Variants in SMYD3 observed in about 807,000 individuals in gnomAD.
SMYD3 encodes the protein histone-lysine N-methyltransferase SMYD3.
Under a neutral mutation model 57.7 loss-of-function variants are expected in SMYD3, and 36 were observed. That is an observed-to-expected ratio of 0.62 (90% CI 0.48 to 0.82). The LOEUF is 0.82. Ranked by LOEUF, SMYD3 falls within the 40% of genes least tolerant of loss-of-function variation. SMYD3 has a pLI of 0.00. For synonymous variants in SMYD3, 211 were observed against 195.0 expected, an observed-to-expected ratio of 1.08 and a Z score of -0.68; for missense variants, 515 against 538.8, an observed-to-expected ratio of 0.96 and a Z score of 0.44.
intron 1 of SMYD3, among the ~76,000 whole-genome samples, chr1:246,405,346 T>G (rs2066844074): frequency 1.3e-5 from 2 of 152,206 alleles, no homozygotes; most frequent in South Asian, 2.1e-4. Context: ...ATCATTTATT[T>G]GTGTTGGTAA....
chr1:245,882,177 G>A (rs2148552536), intron 8 of SMYD3, among the ~76,000 whole-genome samples: 1 of 152,312 alleles, frequency 6.6e-6, no homozygotes, highest in South Asian at 2.1e-4. Flanking sequence ...AACACTCACA[G>A]GATTATACAT....
intron 5 of SMYD3, among the ~76,000 whole-genome samples, chr1:245,951,810 G>C (rs753270248): frequency 2.6e-5 from 4 of 151,734 alleles, no homozygotes; most frequent in Non-Finnish European, 4.4e-5. Context: ...TCCTTTTCTT[G>C]AGTTATATAC....
At chr1:245,925,166 A>G (rs1392047386) in intron 7 of SMYD3, among the ~76,000 whole-genome samples, 1 of 152,206 alleles carries the variant, frequency 6.6e-6, no homozygotes, top group East Asian at 1.9e-4. Context: ...ATAGGAAATT[A>G]CCAAAATGTC....
chr1:245,922,282 G>A (rs928289058), intron 7 of SMYD3, among the ~76,000 whole-genome samples: 1 of 152,146 alleles, frequency 6.6e-6, no homozygotes, highest in Non-Finnish European at 1.5e-5. Flanking sequence ...AGACTTAAAG[G>A]TACCTTCATT....
At chr1:246,209,582 TAA>T (rs67869737) in intron 5 of SMYD3, among the ~76,000 whole-genome samples, 12 of 148,166 alleles carry the variant, frequency 8.1e-5, no homozygotes, top group East Asian at 1.9e-4. Context: ...AGCATTGGGG[TAA>T]AAAAAAAAAA....
At chr1:246,226,552 C>T (rs1450535703) in intron 5 of SMYD3, among the ~76,000 whole-genome samples, 1 of 152,170 alleles carries the variant, frequency 6.6e-6, no homozygotes, top group Non-Finnish European at 1.5e-5. Flanking sequence ...CTGACTAAAA[C>T]TTCTTCACTC....
At chr1:246,308,694 A>G (rs1374260955) in intron 5 of SMYD3, among the ~76,000 whole-genome samples, 1 of 152,230 alleles carries the variant, frequency 6.6e-6, no homozygotes, top group Admixed American at 6.5e-5. Flanking sequence ...TGTTCAGTGT[A>G]CTGAATAGAA....
chr1:245,981,897 T>C (rs756852490), intron 5 of SMYD3, among the ~76,000 whole-genome samples: 1 of 152,372 alleles, frequency 6.6e-6, no homozygotes, highest in South Asian at 2.1e-4. Flanking sequence ...GTTGCTTCCA[T>C]GCATCAGGTC....
At chr1:246,240,621 T>C (rs2063592656) in intron 5 of SMYD3, among the ~76,000 whole-genome samples, 1 of 152,350 alleles carries the variant, frequency 6.6e-6, no homozygotes, top group South Asian at 2.1e-4. Flanking sequence ...TTTCCAATTC[T>C]GTGAAGAAAG....
At chr1:245,838,724 C>T (rs1449620391) in intron 10 of SMYD3, among the ~76,000 whole-genome samples, 1 of 152,140 alleles carries the variant, frequency 6.6e-6, no homozygotes, top group Admixed American at 6.5e-5. Context: ...GCACACCTGC[C>T]TATCTCAAAT....
chr1:246,418,784 C>G (rs1383891284), intron 1 of SMYD3, among the ~76,000 whole-genome samples: 2 of 152,156 alleles, frequency 1.3e-5, no homozygotes, highest in Non-Finnish European at 2.9e-5. Context: ...TCCCAGCGTG[C>G]TGGCATCTGT....
At chr1:246,411,857 G>A (rs913970838) in intron 1 of SMYD3, among the ~76,000 whole-genome samples, 5 of 147,098 alleles carry the variant, frequency 3.4e-5, no homozygotes, top group African/African-American at 5.0e-5. Context: ...GATAGCATTA[G>A]GATATATACC....
At chr1:246,378,815 A>T (rs1336066256) in intron 1 of SMYD3, among the ~76,000 whole-genome samples, 2 of 115,394 alleles carry the variant, frequency 1.7e-5, no homozygotes, top group Non-Finnish European at 3.4e-5. Flanking sequence ...ATTATATATA[A>T]TATATTTATA....
In SMYD3 at chr1:246,054,941, C is replaced by T. The variant is rs538820900; in HGVS notation, c.532-125004G>A. Among the ~76,000 whole-genome samples the T allele has an allele frequency of 2.4e-3, 357 of 148,790 alleles. 2 individuals carry two copies. The highest frequency in any genetic ancestry group is 8.1e-3 in the African/African-American group (328 of 40,344). Reference sequence around the variant, plus strand: ...CTGTAATCCCAGCACTTTGGGAGGCCGAGGCGGGCGGATCACGAGGTCAGG... The same window carrying T: ...CTGTAATCCCAGCACTTTGGGAGGCTGAGGCGGGCGGATCACGAGGTCAGG... On this transcript the variant is annotated intron_variant, in intron 5 of 11. Transcript: ENST00000490107.
At chr1:245,956,858 A>G (rs899339263) in intron 5 of SMYD3, among the ~76,000 whole-genome samples, 3 of 152,214 alleles carry the variant, frequency 2.0e-5, no homozygotes, top group African/African-American at 7.2e-5. Flanking sequence ...TGGTTTGAAC[A>G]TTGCATACCC....
At chr1:245,754,956 T>A (rs2045546596) in intron 11 of SMYD3, among the ~76,000 whole-genome samples, 1 of 152,238 alleles carries the variant, frequency 6.6e-6, no homozygotes, top group South Asian at 2.1e-4. Flanking sequence ...CAGGAGGGGT[T>A]ACAGATGTGG....
At chr1:246,063,651 C>G in intron 5 of SMYD3, among the ~76,000 whole-genome samples, 1 of 144,270 alleles carries the variant, frequency 6.9e-6, no homozygotes, top group Non-Finnish European at 1.5e-5. Flanking sequence ...CCCTTTCTCT[C>G]TCTCTCTCTT....
intron 1 of SMYD3, among the ~76,000 whole-genome samples, chr1:246,482,248 A>T (rs538446861): frequency 1.3e-5 from 2 of 152,260 alleles, no homozygotes; most frequent in South Asian, 4.1e-4. Context: ...CAGGGCATAT[A>T]ATCTTTACAC....
intron 5 of SMYD3, among the ~76,000 whole-genome samples, chr1:245,965,202 T>C (rs1377441559): frequency 1.3e-5 from 2 of 152,246 alleles, no homozygotes; most frequent in Admixed American, 1.3e-4. Context: ...CAATTACGTA[T>C]GCATATATAT....
Sources: allele counts gnomAD v4.1 joint callset (sites outside exome capture counted in the v4.1 genomes callset), GRCh38; gene constraint gnomAD v4.1.1; transcripts MANE v1.5; gene names NCBI Gene and HGNC (gene_info 2026-07-23, HGNC 2026-07-21).